The following TREH variants were observed in gnomAD, a reference collection of about 807,000 sequenced individuals.
TREH encodes the protein trehalase, also known as alpha,alpha-trehalose glucohydrolase.
In TREH, 69 loss-of-function variants were observed where a neutral mutation model predicts 80.5. The observed-to-expected ratio is 0.86, with a 90% CI of 0.71 to 1.05. The LOEUF (loss-of-function observed/expected upper bound fraction) is 1.05, where lower values mean the gene tolerates loss of function less well. Among genes scored for constraint, TREH ranks in the 50% least tolerant of loss-of-function variants. The probability of loss-of-function intolerance (pLI) is 0.00; values close to 1 mark genes in which losing one functional copy is unlikely to be tolerated. For synonymous variants in TREH, 309 were observed against 293.5 expected, an observed-to-expected ratio of 1.05 and a Z score of -0.54; for missense variants, 716 against 718.8, an observed-to-expected ratio of 1.00 and a Z score of 0.04.
rs781898414 is a variant in TREH at position 118,661,778 on chromosome 11, G to T, written c.525-49C>A. 2 of 1,608,368 alleles carry T rather than the reference G, an allele frequency of 1.2e-6. No homozygotes were observed. On this transcript the variant is annotated intron_variant, in intron 5 of 14. Coordinates refer to ENST00000264029, the MANE Select transcript of TREH (RefSeq NM_007180.3). This position sits in a 1 kb window ranked among gnomAD's most constrained non-coding sequence, Gnocchi z 4.2. ...CCACCCTGCTGCCTCCCTCTGCCCT[G>T]CACACCAGCCAGTGGGGCACTCTGC... is the stretch of plus-strand genomic sequence containing the variant.
chr11:118,672,676 G>GCAC (rs1331499000), intron 1 of TREH, among the ~76,000 whole-genome samples: 32 of 113,272 alleles, frequency 2.8e-4, no homozygotes, highest in Admixed American at 4.9e-4. Flanking sequence ...GCACGCCACT[G>GCAC]CACTCCAGCC....
rs781906034 is a variant in TREH at position 118,660,575 on chromosome 11, C to T, written c.1066G>A (p.Ala356Thr). 3.1e-6 allele frequency: 5 copies of T among 1,610,518 alleles called. No homozygotes were observed. The highest frequency in any genetic ancestry group is 4.2e-6 in the Non-Finnish European group (5 of 1,178,314). Residue 356 changes from alanine to threonine, a missense_variant, in exon 10 of 15, where the codon GCA (alanine) becomes ACA (threonine). Ala to Thr is a moderately conservative substitution (Grantham distance 58). Transcript: ENST00000264029. ...PVDLNAFLCQAEELMSNFYSR... is the reference protein window; with the variant it reads ...PVDLNAFLCQTEELMSNFYSR... Reference sequence around the variant, plus strand: ...TAGAAGTTGCTCATCAGCTCCTCTGCTTGGCATAGGAAGGCATTCAGGTCA... The same window carrying T: ...TAGAAGTTGCTCATCAGCTCCTCTGTTTGGCATAGGAAGGCATTCAGGTCA...
intron 13 of TREH, 75 bp from the exon 14 acceptor site, chr11:118,658,808 G>A: frequency 4.3e-6 from 7 of 1,610,514 alleles, no homozygotes; most frequent in Non-Finnish European, 5.9e-6. Flanking sequence ...CAGAGCCCCT[G>A]GGGAGAAGCT....
Position 118,674,829 on chromosome 11 carries a change from A to G in TREH, c.89+4710T>C, listed in dbSNP as rs915545134. Reference sequence around the variant, plus strand: ...AGTGCTGGGATTACAGGCGTGAGCCACTGCACCTGGCTGCATTTTTATATT... The same window carrying G: ...AGTGCTGGGATTACAGGCGTGAGCCGCTGCACCTGGCTGCATTTTTATATT... On this transcript the variant is annotated intron_variant, in intron 1 of 14. Coordinates refer to ENST00000264029, the MANE Select transcript of TREH (RefSeq NM_007180.3). This position sits in a 1 kb window ranked among gnomAD's most constrained non-coding sequence, Gnocchi z 4.4. Among the ~76,000 whole-genome samples the G allele has an allele frequency of 2.0e-5, 3 of 152,204 alleles. No individual in the cohort carries two copies. The highest frequency in any genetic ancestry group is 6.5e-5 in the Admixed American group (1 of 15,278).
chr11:118,659,244 G>T, intron 12 of TREH, 126 bp downstream of exon 12: 1 of 885,928 alleles, frequency 1.1e-6, no homozygotes, highest in Non-Finnish European at 1.7e-6. Context: ...GAGGCCAGGA[G>T]AGCAGAGGAG....
rs1949321643 is a variant in TREH, at chr11:118,661,513, C to T, written c.618-4G>A. ...ACCATTGGGGACATGCCCATAGCTG[C>T]CAAGGGGAAGGCCTGCTGAGATGCC... On this transcript the variant is annotated splice_polypyrimidine_tract_variant and splice_region_variant and intron_variant, in intron 6 of 14. Transcript: ENST00000264029. This position sits in a 1 kb window ranked among gnomAD's most constrained non-coding sequence, Gnocchi z 4.2. The T allele has an allele frequency of 6.2e-7, 1 of 1,613,296 alleles. No individual in the cohort carries two copies. Among genetic ancestry groups the T allele is most frequent in the African/African-American group, 1.3e-5 (1 of 75,032 alleles).
At chr11:118,678,622 C>T (rs1949503585) in intron 1 of TREH, among the ~76,000 whole-genome samples, 1 of 150,914 alleles carries the variant, frequency 6.6e-6, no homozygotes, top group Admixed American at 6.6e-5. Flanking sequence ...CCTTGGCCTC[C>T]CAAAGTGCTG....
intron 1 of TREH, among the ~76,000 whole-genome samples, chr11:118,668,665 C>T (rs1301464866): frequency 6.8e-6 from 1 of 147,590 alleles, no homozygotes; most frequent in South Asian, 2.2e-4. Context: ...ATGGGCTGGG[C>T]GCAGTGGCTC....
chr11:118,676,709 T>C (rs529557767), intron 1 of TREH, among the ~76,000 whole-genome samples: 53 of 866 alleles, frequency 0.061, no homozygotes, highest in African/African-American at 0.17. Context: ...AGAGGTTGCA[T>C]TGAGCCAAAA....
At chr11:118,670,914 T>G (rs1306199323) in intron 1 of TREH, among the ~76,000 whole-genome samples, 1 of 152,246 alleles carries the variant, frequency 6.6e-6, no homozygotes, top group Admixed American at 6.5e-5. Flanking sequence ...CATTTCTTAT[T>G]AATGCATGGA....
Position 118,663,342 on chromosome 11 carries a change from G to T in TREH, c.187C>A (p.Pro63Thr). The stretch of plus-strand genomic sequence containing the variant: ...CGTTCAGCCCTAGGTGCTTCACCTG[G>T]AGCTATAGACAGTGGCATGTCCACA... ...QFVDMPLSIA[P>T]EQVLQTFTEL... is the part of the protein sequence containing the mutation. Residue 63 changes from proline to threonine, a missense_variant, in exon 2 of 15, where the codon CCA becomes ACA. Pro to Thr is a conservative substitution (Grantham distance 38). Transcript: ENST00000264029. The T allele has an allele frequency of 6.3e-7, 1 of 1,587,656 alleles. No homozygotes were observed.
intron 11 of TREH, 62 bp from the exon 12 acceptor site, chr11:118,659,543 C>T: frequency 2.8e-6 from 4 of 1,439,804 alleles, no homozygotes; most frequent in Non-Finnish European, 3.7e-6. Flanking sequence ...CAGGACAGGA[C>T]GCTGGACCCC....
intron 1 of TREH, among the ~76,000 whole-genome samples, chr11:118,669,454 C>T (rs1949411084): frequency 6.6e-6 from 1 of 152,164 alleles, no homozygotes; most frequent in Non-Finnish European, 1.5e-5. Context: ...AAGTGTCCAT[C>T]GACTGATGAA....
At chr11:118,672,760 T>G (rs1949442220) in intron 1 of TREH, among the ~76,000 whole-genome samples, 3 of 138,946 alleles carry the variant, frequency 2.2e-5, no homozygotes, top group Admixed American at 2.1e-4. Flanking sequence ...GGTACAAAAC[T>G]CACTGGTAAT....
intron 12 of TREH, 146 bp downstream of exon 12, chr11:118,659,224 G>A: frequency 1.2e-6 from 1 of 830,218 alleles, no homozygotes. Flanking sequence ...GTGGACATAA[G>A]TGTCAAGTGG....
At chr11:118,658,804 C>G (rs1404474223) in intron 13 of TREH, 71 bp from the exon 14 acceptor site, 1 of 1,611,052 alleles carries the variant, frequency 6.2e-7, no homozygotes, top group Non-Finnish European at 8.5e-7. Flanking sequence ...CAACCAGAGC[C>G]CCTGGGGAGA....
At chr11:118,678,884 A>T (rs1555147138) in intron 1 of TREH, among the ~76,000 whole-genome samples, 1 of 152,230 alleles carries the variant, frequency 6.6e-6, no homozygotes, top group East Asian at 1.9e-4. Context: ...GCTCAAGCCC[A>T]AGTGCTGTCT....
At position 118,658,860 on chromosome 11, in the gene TREH, C is replaced by T. The variant is rs782106166; in HGVS notation, c.1545+45G>A. ...AGCCCCTGCAGTGCTCAGGAGTGGC[C>T]ACTGGGACAGCCTGGGGGTGCAGGG... On this transcript the variant is annotated intron_variant, in intron 13 of 14. Coordinates refer to ENST00000264029, the MANE Select transcript of TREH (RefSeq NM_007180.3). 6 of 1,610,242 alleles carry T rather than the reference C, an allele frequency of 3.7e-6. No individual in the cohort carries two copies. In the Admixed American group the frequency reaches 1.0e-4, roughly 27 times the overall value.
chr11:118,676,769 C>CAAA (rs11381679), intron 1 of TREH, among the ~76,000 whole-genome samples: 12 of 146,048 alleles, frequency 8.2e-5, no homozygotes, highest in South Asian at 2.1e-4. Context: ...ATTGCTGTCT[C>CAAA]AAAAAAAAAA....
Sources: allele counts gnomAD v4.1 joint callset (sites outside exome capture counted in the v4.1 genomes callset), GRCh38; gene constraint gnomAD v4.1.1; non-coding constraint Gnocchi (gnomAD v3.1); transcripts MANE v1.5; gene names NCBI Gene and HGNC (gene_info 2026-07-23, HGNC 2026-07-21).